COL19A1: variants seen among roughly 807,000 people sequenced by gnomAD.
COL19A1 encodes the protein collagen type XIX alpha 1 chain, also known as collagen alpha-1(XIX) chain.
COL19A1 carries 159 observed loss-of-function variants against 190.2 expected under a neutral mutation model. That is an observed-to-expected ratio of 0.84 (90% CI 0.73 to 0.95). The LOEUF is 0.95. Ranked by LOEUF, COL19A1 falls within the 40% of genes least tolerant of loss-of-function variation. The pLI is 0.00. For missense variants in COL19A1, 1,418 were observed against 1,431.9 expected (o/e 0.99, Z 0.16); for synonymous variants, 509 against 458.9 (o/e 1.11, Z -1.39).
At chr6:70,076,654 A>G (rs1201926227) in intron 15 of COL19A1, among the ~76,000 whole-genome samples, 4 of 152,194 alleles carry the variant, frequency 2.6e-5, no homozygotes, top group African/African-American at 9.6e-5. Flanking sequence ...TCAAGACTCT[A>G]GTCTAAATTT....
At chr6:69,888,520 A>AT (rs1769100026) in intron 2 of COL19A1, among the ~76,000 whole-genome samples, 1 of 151,962 alleles carries the variant, frequency 6.6e-6, no homozygotes, top group Non-Finnish European at 1.5e-5. Context: ...AAAAAAAAAA[A>AT]GAGAGAGCAC....
chr6:70,128,298 G>A (rs1178751194), intron 17 of COL19A1, among the ~76,000 whole-genome samples: 2 of 152,208 alleles, frequency 1.3e-5, no homozygotes, highest in African/African-American at 2.4e-5. Flanking sequence ...AAATTTGGCT[G>A]TGTAAATATT....
chr6:69,960,706 T>C (rs1774734690), intron 10 of COL19A1, among the ~76,000 whole-genome samples: 1 of 148,672 alleles, frequency 6.7e-6, no homozygotes, highest in Non-Finnish European at 1.5e-5. Context: ...CTTGGCTCAC[T>C]GCAAGCTCTG....
chr6:69,949,148 A>G (rs896816570), intron 9 of COL19A1, among the ~76,000 whole-genome samples: 3 of 151,846 alleles, frequency 2.0e-5, no homozygotes, highest in Non-Finnish European at 4.4e-5. Flanking sequence ...TAGAGAATTC[A>G]TGTAACTTCC....
chr6:69,901,002 C>T (rs1018767593), intron 4 of COL19A1, among the ~76,000 whole-genome samples: 2 of 151,916 alleles, frequency 1.3e-5, no homozygotes, highest in Non-Finnish European at 1.5e-5. Flanking sequence ...ATATAGTTGG[C>T]AATAATTAAA....
intron 4 of COL19A1, among the ~76,000 whole-genome samples, chr6:69,916,731 C>T (rs538880099): frequency 6.6e-6 from 1 of 151,940 alleles, no homozygotes; most frequent in Admixed American, 6.5e-5. Flanking sequence ...TACTTATATC[C>T]CTCCTTAATA....
chr6:69,960,969 T>C (rs2150045222), intron 10 of COL19A1, among the ~76,000 whole-genome samples: 2 of 152,282 alleles, frequency 1.3e-5, no homozygotes, highest in Middle Eastern at 6.8e-3. Context: ...CATGGTTATC[T>C]GTGACAAGCA....
intron 11 of COL19A1, among the ~76,000 whole-genome samples, chr6:70,022,759 T>C (rs1220982848): frequency 1.3e-5 from 2 of 152,218 alleles, no homozygotes; most frequent in Non-Finnish European, 2.9e-5. Context: ...TTTTCTCTAG[T>C]ATAAAATAAA....
In COL19A1 at chr6:70,156,752, C is replaced by T. The variant is rs187615240; in HGVS notation, c.2292+29C>T. On this transcript the variant is annotated intron_variant, in intron 34 of 50. Coordinates refer to ENST00000620364, the MANE Select transcript of COL19A1 (RefSeq NM_001858.6). ...ACAGATTCTTTTCTGATTATATAGT[C>T]CTAATATTGATTCTCTTTACGTGGC... The T allele has an allele frequency of 5.2e-4, 805 of 1,562,726 alleles. 8 individuals are homozygous for T. In the East Asian group the frequency reaches 0.015, roughly 29 times the overall value.
intron 46 of COL19A1, among the ~76,000 whole-genome samples, chr6:70,186,817 A>G (rs1766547978): frequency 6.6e-6 from 1 of 152,206 alleles, no homozygotes; most frequent in African/African-American, 2.4e-5. Context: ...ACATTTAGGC[A>G]CATCTAATAT....
At chr6:70,119,001 T>C (rs1784738342) in intron 16 of COL19A1, among the ~76,000 whole-genome samples, 1 of 152,218 alleles carries the variant, frequency 6.6e-6, no homozygotes, top group African/African-American at 2.4e-5. Flanking sequence ...TCATATCCCA[T>C]TTCACCCAAT....
intron 11 of COL19A1, among the ~76,000 whole-genome samples, chr6:69,966,306 G>A (rs940323431): frequency 3.3e-5 from 5 of 152,144 alleles, no homozygotes; most frequent in Admixed American, 6.5e-5. Flanking sequence ...CCATGATGAC[G>A]ATGGCGGTTT....
Position 69,927,910 on chromosome 6 carries a change from A to G in COL19A1, c.268A>G (p.Lys90Glu). The change falls in exon 5 of 51, where the codon AAG becomes GAG. Residue 90 changes from lysine (K) to glutamate (E), a missense_variant and splice_region_variant. Physicochemically the swap from Lys to Glu is moderately conservative, Grantham distance 56 (BLOSUM62 1). Coordinates refer to ENST00000620364, the MANE Select transcript of COL19A1 (RefSeq NM_001858.6). ...AAGTTCTTTGTTTTCCTCCCACAGT[A>G]AGATATTTCCCAAAGGCCTTCCTGA... ...GSALLIRDTI[K>E]IFPKGLPEEY... is the part of the protein sequence containing the mutation. 1.2e-6 allele frequency: 2 copies of G among 1,604,122 alleles called. No individual in the cohort carries two copies. The highest frequency in any genetic ancestry group is 1.7e-6 in the Non-Finnish European group (2 of 1,173,948).
intron 11 of COL19A1, among the ~76,000 whole-genome samples, chr6:69,992,017 G>A (rs543741869): frequency 6.6e-6 from 1 of 152,004 alleles, no homozygotes; most frequent in East Asian, 1.9e-4. Context: ...TATCTTCCAG[G>A]GTTTTTACAG....
At chr6:69,969,428 A>G (rs1775297637) in intron 11 of COL19A1, among the ~76,000 whole-genome samples, 1 of 152,058 alleles carries the variant, frequency 6.6e-6, no homozygotes, top group South Asian at 2.1e-4. Context: ...GTCTTAGTTG[A>G]TCTTATCTAC....
chr6:70,202,062 C>T (rs1767587311), intron 49 of COL19A1, among the ~76,000 whole-genome samples: 1 of 152,090 alleles, frequency 6.6e-6, no homozygotes, highest in Non-Finnish European at 1.5e-5. Flanking sequence ...CCACGCAAAC[C>T]TCGGATGCTG....
chr6:70,023,029 T>G (rs1228279390), intron 11 of COL19A1, among the ~76,000 whole-genome samples: 1 of 152,126 alleles, frequency 6.6e-6, no homozygotes, highest in Non-Finnish European at 1.5e-5. Flanking sequence ...ATGAGATCCT[T>G]GGTATATATT....
chr6:70,018,580 A>G (rs1778246472), intron 11 of COL19A1, among the ~76,000 whole-genome samples: 1 of 152,114 alleles, frequency 6.6e-6, no homozygotes, highest in Admixed American at 6.6e-5. Context: ...GGGCTGATAG[A>G]CATTGTCTTC....
chr6:69,935,537 T>G (rs1325473508), intron 7 of COL19A1, among the ~76,000 whole-genome samples: 1 of 151,996 alleles, frequency 6.6e-6, no homozygotes, highest in Non-Finnish European at 1.5e-5. Flanking sequence ...ATACAATAGT[T>G]TTTAGACTTT....
Sources: gnomAD v4.1 joint callset for allele counts (sites outside exome capture counted in the v4.1 genomes callset) on GRCh38, gnomAD v4.1.1 for gene constraint, MANE v1.5 for transcripts, NCBI Gene and HGNC (gene_info 2026-07-23, HGNC 2026-07-21) for gene names.